The following ZNF717 variants were observed in gnomAD, a reference collection of about 807,000 sequenced individuals.
ZNF717 encodes the protein krueppel-like factor X17.
A neutral mutation model predicts 13.8 loss-of-function variants in ZNF717; 9 were observed. The ratio of observed to expected loss-of-function variants is 0.65; its 90% CI spans 0.39 to 1.14. The LOEUF (loss-of-function observed/expected upper bound fraction) is 1.14, where lower values mean the gene tolerates loss of function less well. Ranked by LOEUF, ZNF717 falls within the 50% of genes most tolerant of loss-of-function variation. The pLI is 0.01. For missense variants in ZNF717, 1,040 were observed against 1,080.7 expected (o/e 0.96, Z 0.53); for synonymous variants, 327 against 364.1 (o/e 0.90, Z 1.16).
chr3:75,770,591 A>C (rs1943806874), intron 2 of ZNF717, among the ~76,000 whole-genome samples: 1 of 152,198 alleles, frequency 6.6e-6, no homozygotes, highest in South Asian at 2.1e-4. Flanking sequence ...ATAAAAGAAC[A>C]ACCAAACAAA....
intron 2 of ZNF717, among the ~76,000 whole-genome samples, chr3:75,754,065 T>G (rs535444354): frequency 1.4e-4 from 21 of 152,348 alleles, no homozygotes; most frequent in African/African-American, 4.8e-4. Flanking sequence ...CTGCTGCCAC[T>G]AGAGTCGTTG....
intron 6 of ZNF717, among the ~76,000 whole-genome samples, chr3:75,696,859 C>A (rs1318546196): frequency 6.6e-6 from 1 of 151,062 alleles, no homozygotes; most frequent in African/African-American, 2.4e-5. Flanking sequence ...CACCATTGCA[C>A]TCCAACCTGG....
chr3:75,717,222 A>C (rs1473833974), intron 4 of ZNF717, among the ~76,000 whole-genome samples: 1 of 152,368 alleles, frequency 6.6e-6, no homozygotes, highest in Admixed American at 6.5e-5. Context: ...AAAGGGACAA[A>C]ACTGAGGTGT....
rs1323268773 is a variant in ZNF717 at position 75,748,385 on chromosome 3, A to C, written c.58-6649T>G. Among the ~76,000 whole-genome samples, 1,464 of 152,294 alleles carry C rather than the reference A, an allele frequency of 9.6e-3. 28 individuals carry two copies. The highest frequency in any genetic ancestry group is 0.034 in the African/African-American group (1,418 of 41,548). The stretch of plus-strand genomic sequence containing the variant: ...ACCAAAGCCTGGACGAGACATAATC[A>C]AAAAAGAGAATTTTAGACCAATATC... On this transcript the variant is annotated intron_variant, in intron 2 of 4. Coordinates refer to ENST00000652011, the MANE Select transcript of ZNF717 (RefSeq NM_001290208.3).
At position 75,736,593 on chromosome 3, in the gene ZNF717, C is replaced by A. The variant is rs1187024650; in HGVS notation, c.*285G>T. 2.7e-6 allele frequency: 1 copy of A among 372,162 alleles called. No homozygotes were observed. Among genetic ancestry groups the A allele is most frequent in the Non-Finnish European group, 4.5e-6 (1 of 224,308 alleles). The allele number at this position is 372,162 out of a possible 1,614,324, so 23.1% of individuals were successfully genotyped here. A position where few individuals can be genotyped will look rare whatever the true frequency, so the allele number is the denominator to read the frequency against. The stretch of plus-strand genomic sequence containing the variant: ...AGAAAGGCCCTAACTCTCTTCAATT[C>A]TATGGAGGAGAAGAGAGGTGAGGAA... On this transcript the variant is annotated 3_prime_UTR_variant, in exon 5 of 5. Coordinates refer to ENST00000652011, the MANE Select transcript of ZNF717 (RefSeq NM_001290208.3).
Position 75,753,990 on chromosome 3 carries a change from A to G in ZNF717, c.58-12254T>C, listed in dbSNP as rs141942081. Among the ~76,000 whole-genome samples, 3 of 152,232 alleles carry G rather than the reference A, an allele frequency of 2.0e-5. No homozygotes were observed. In the Middle Eastern group the frequency reaches 0.01, roughly 518 times the overall value. Reference sequence around the variant, plus strand: ...GGGTCTGAATGTTTTTCCCGCACACAGGATTCTAGAACACTCCAGCTGGGG... The same window carrying G: ...GGGTCTGAATGTTTTTCCCGCACACGGGATTCTAGAACACTCCAGCTGGGG... On this transcript the variant is annotated intron_variant, in intron 2 of 4. Coordinates refer to ENST00000652011, the MANE Select transcript of ZNF717 (RefSeq NM_001290208.3).
chr3:75,760,129 A>G (rs1250830410), intron 2 of ZNF717, among the ~76,000 whole-genome samples: 1 of 152,070 alleles, frequency 6.6e-6, no homozygotes, highest in Non-Finnish European at 1.5e-5. Context: ...CCCAGATTCA[A>G]GTGATTGTCC....
intron 4 of ZNF717, among the ~76,000 whole-genome samples, chr3:75,722,960 T>C (rs1355217982): frequency 8.5e-5 from 13 of 152,192 alleles, no homozygotes; most frequent in African/African-American, 3.1e-4. Flanking sequence ...TATAGGTCTA[T>C]TTTCAATGTT....
In ZNF717 at chr3:75,755,499, TAATA is replaced by T. The variant is rs1219245755; in HGVS notation, c.58-13767_58-13764del. Among the ~76,000 whole-genome samples the T allele has an allele frequency of 4.6e-5, 7 of 152,024 alleles. No individual in the cohort carries two copies. The East Asian group carries it at 1.4e-3, about 29-fold the overall frequency. ...ATCTGACCAATAAGCTTGTAGATAA[TAATA>T]AATACACACAGATAGATTATGTATG... On this transcript the variant is annotated intron_variant, in intron 2 of 4. Transcript: ENST00000652011.
At chr3:75,753,403 T>G (rs910861237) in intron 2 of ZNF717, among the ~76,000 whole-genome samples, 3 of 147,964 alleles carry the variant, frequency 2.0e-5, no homozygotes, top group African/African-American at 7.5e-5. Context: ...GTCTGAATGT[T>G]TGCCTCTCAC....
intron 4 of ZNF717, among the ~76,000 whole-genome samples, chr3:75,721,718 T>C (rs2106864317): frequency 6.6e-6 from 1 of 152,270 alleles, no homozygotes; most frequent in Non-Finnish European, 1.5e-5. Context: ...AGATTAAAAA[T>C]AATAGTGATA....
intron 6 of ZNF717, among the ~76,000 whole-genome samples, chr3:75,696,313 T>A (rs1159675655): frequency 2.0e-3 from 1 of 504 alleles, no homozygotes; most frequent in Admixed American, 0.019. Context: ...AAAGCCTTAA[T>A]TAAAAAAGTC....
chr3:75,778,662 C>A (rs1451282129), intron 2 of ZNF717, among the ~76,000 whole-genome samples: 1 of 143,650 alleles, frequency 7.0e-6, no homozygotes, highest in East Asian at 2.1e-4. Context: ...ATGGGAGTGA[C>A]GTGCTAAACC....
chr3:75,773,931 C>T (rs1343635051), intron 2 of ZNF717, among the ~76,000 whole-genome samples: 3 of 152,176 alleles, frequency 2.0e-5, no homozygotes, highest in Non-Finnish European at 4.4e-5. Context: ...TGCCTCTAAT[C>T]CCAGCTACTC....
intron 4 of ZNF717, 148 bp downstream of exon 4, chr3:75,741,128 C>A (rs1575781779): frequency 1.6e-5 from 10 of 610,570 alleles, no homozygotes; most frequent in Non-Finnish European, 2.9e-5. Context: ...AGAGTTACCC[C>A]TGGGGACTAT....
chr3:75,726,730 A>C (rs1938287261), downstream of ZNF717, among the ~76,000 whole-genome samples: 1 of 152,378 alleles, frequency 6.6e-6, no homozygotes, highest in Non-Finnish European at 1.5e-5. Context: ...TCTGCATTTA[A>C]ATATTTGACC....
chr3:75,748,754 T>C (rs2107332321), intron 2 of ZNF717, among the ~76,000 whole-genome samples: 1 of 152,280 alleles, frequency 6.6e-6, no homozygotes, highest in African/African-American at 2.4e-5. Flanking sequence ...GGGCAAAAAC[T>C]GGAAGGATTC....
chr3:75,733,798 A>AAAAAAAAAAAAAAG (rs1466437540), downstream of ZNF717, among the ~76,000 whole-genome samples: 4 of 118,862 alleles, frequency 3.4e-5, no homozygotes, highest in East Asian at 4.8e-4. Flanking sequence ...AAAAAAAAAA[A>AAAAAAAAAAAAAAG]AATTACATTC....
chr3:75,740,174 A>G (rs1940199047), intron 4 of ZNF717, among the ~76,000 whole-genome samples: 1 of 152,138 alleles, frequency 6.6e-6, no homozygotes, highest in East Asian at 1.9e-4. Context: ...GAAGGGTTTT[A>G]TTTTGTGTTT....
Sources: allele counts gnomAD v4.1 joint callset (sites outside exome capture counted in the v4.1 genomes callset), GRCh38; gene constraint gnomAD v4.1.1; transcripts MANE v1.5; gene names NCBI Gene and HGNC (gene_info 2026-07-23, HGNC 2026-07-21).